CSF3R: variants seen among roughly 807,000 people sequenced by gnomAD.
CSF3R encodes colony stimulating factor 3 receptor.
In CSF3R, 52 loss-of-function variants were observed where a neutral mutation model predicts 84.4. That is an observed-to-expected ratio of 0.62 (90% CI 0.49 to 0.78). The LOEUF (loss-of-function observed/expected upper bound fraction) is 0.78, where lower values mean the gene tolerates loss of function less well. Among genes scored for constraint, CSF3R ranks in the 30% least tolerant of loss-of-function variants. CSF3R has a pLI of 0.00. For synonymous variants in CSF3R, 384 were observed against 429.1 expected (o/e 0.89, Z 1.30); for missense variants, 890 against 1,055.7 (o/e 0.84, Z 2.17).
At chr1:36,477,936 T>G (rs1281997895) in intron 3 of CSF3R, among the ~76,000 whole-genome samples, 1 of 151,794 alleles carries the variant, frequency 6.6e-6, no homozygotes, top group African/African-American at 2.4e-5. Context: ...TTTTTTGTAT[T>G]TTTAGTAGAT....
chr1:36,476,517 AG>A (rs1336931110), intron 3 of CSF3R, among the ~76,000 whole-genome samples: 1 of 152,102 alleles, frequency 6.6e-6, no homozygotes, highest in Non-Finnish European at 1.5e-5. Context: ...TGACCCTCTC[AG>A]TTCCAGCTTA....
chr1:36,475,360 T>G lies in CSF3R; in HGVS notation c.361+17A>C, dbSNP rs373559200. The G allele has an allele frequency of 1.2e-5, 20 of 1,613,028 alleles. No homozygotes were observed. In the African/African-American group the frequency reaches 2.5e-4, roughly 20 times the overall value. On this transcript the variant is annotated intron_variant, in intron 4 of 16. Coordinates refer to ENST00000373106, the MANE Select transcript of CSF3R (RefSeq NM_000760.4). The stretch of plus-strand genomic sequence containing the variant: ...GGGTGTTGGAGGCAGAGTAGTTGGA[T>G]GGCTGGAAGGACTTACAGCCTGCGC...
At position 36,466,521 on chromosome 1, in the gene CSF3R, TG is replaced by T; in HGVS notation, c.2346del (p.Ser783AlafsTer19). The T allele has an allele frequency of 6.2e-7, 1 of 1,610,066 alleles. No individual in the cohort carries two copies. The highest frequency in any genetic ancestry group is 8.5e-7 in the Non-Finnish European group (1 of 1,177,506). On this transcript the variant is annotated frameshift_variant, in exon 17 of 17. Transcript: ENST00000373106. LOFTEE classifies it high-confidence loss of function. This position sits in a 1 kb window ranked among gnomAD's most constrained non-coding sequence, Gnocchi z 4.6. The part of the protein sequence containing the change: ...STQPLLAGLT[P>X]SPKSYENLWF... ...CAGAGGTTCTCATAGGACTTGGGGCTGGGGGTGAGGCCCGCCAAGAGGGGCT... is the reference window on the plus strand; with the variant it reads ...CAGAGGTTCTCATAGGACTTGGGGCTGGGGTGAGGCCCGCCAAGAGGGGCT...
At chr1:36,477,049 A>G (rs1651199132) in intron 3 of CSF3R, 1 of 151,936 alleles carries the variant, frequency 6.6e-6, no homozygotes, top group African/African-American at 2.4e-5. Context: ...TCTTGAAGAA[A>G]CCAGACCAGG....
chr1:36,471,770 AC>A (rs1036430843), intron 9 of CSF3R, 124 bp from the exon 10 acceptor site: 5 of 944,248 alleles, frequency 5.3e-6, no homozygotes, highest in African/African-American at 1.6e-5. Context: ...CAGGCTTCTC[AC>A]CCCCCTCCCC....
Position 36,468,109 on chromosome 1 carries a change from G to T in CSF3R, c.1689C>A (p.Thr563=), listed in dbSNP as rs113047241. The part of the protein sequence containing the change: ...ELGKSPLTHY[T]IFWTNAQNQS... The stretch of plus-strand genomic sequence containing the variant: ...GGTTCTGAGCGTTGGTCCAGAAGAT[G>T]GTGTAGTGGGTAAGGGGGCTCTTCC... The change falls in exon 13 of 17, where the codon ACC becomes ACA. Residue 563 remains threonine (T), a synonymous_variant. Transcript: ENST00000373106. The T allele has an allele frequency of 2.9e-4, 465 of 1,614,246 alleles. No individual in the cohort carries two copies. The African/African-American group carries it at 4.9e-3, about 17-fold the overall frequency.
upstream of CSF3R, chr1:36,482,930 C>T (rs1169012226): frequency 1.3e-5 from 2 of 152,270 alleles, no homozygotes; most frequent in Non-Finnish European, 2.9e-5. Flanking sequence ...AATGGCTCAG[C>T]CTCTGACAGG....
At position 36,466,790 on chromosome 1, in the gene CSF3R, A is replaced by G. The variant is rs1314566558; in HGVS notation, c.2078T>C (p.Ile693Thr). 6.2e-7 allele frequency: 1 copy of G among 1,613,972 alleles called. No homozygotes were observed. Among genetic ancestry groups the G allele is most frequent in the Non-Finnish European group, 8.5e-7 (1 of 1,180,012 alleles). The change falls in exon 17 of 17, where the codon ATC (isoleucine) becomes ACC (threonine). Residue 693 changes from isoleucine to threonine, a missense_variant. Physicochemically the swap from Ile to Thr is moderately conservative, Grantham distance 89. Transcript: ENST00000373106. The surrounding 1 kb of genome is among the most constrained non-coding windows in gnomAD (Gnocchi z 4.6). ...CTCCTCCAGCACTGTGAGCTTGGTG[A>G]TGGGTGGCGTGCCAAGGCCGGGCAG... ...FQLPGLGTPP[I>T]TKLTVLEEDE...
At chr1:36,479,556 G>A in intron 2 of CSF3R, 40 bp from the exon 3 acceptor site, 1 of 1,461,308 alleles carries the variant, frequency 6.8e-7, no homozygotes, top group South Asian at 1.1e-5. Flanking sequence ...GGGCTTTGGA[G>A]TCAGAGCTGA....
In CSF3R at chr1:36,479,515, A is replaced by G. The variant is rs1195437302; in HGVS notation, c.-19T>C. On this transcript the variant is annotated splice_region_variant and 5_prime_UTR_variant, in exon 3 of 17. Transcript: ENST00000373106. ...TTGCCATAGCACCAACTTGATGTTC[A>G]CCTGTAGGCAGAAGGGTTGTTTAAG... 6.2e-7 allele frequency: 1 copy of G among 1,612,902 alleles called. No individual in the cohort carries two copies. The highest frequency in any genetic ancestry group is 1.3e-5 in the African/African-American group (1 of 74,872).
Position 36,475,875 on chromosome 1 carries a change from G to GT in CSF3R, c.65-203dup, listed in dbSNP as rs1266120843. 5 of 564,088 alleles carry GT rather than the reference G, an allele frequency of 8.9e-6. No homozygotes were observed. In the African/African-American group the frequency reaches 9.3e-5, roughly 11 times the overall value. 34.9% of individuals were successfully genotyped at this position (564,088 alleles called of 1,614,324 possible). On this transcript the variant is annotated intron_variant, in intron 3 of 16. Transcript: ENST00000373106. ...CAGAGATAGTGATGTGCTGGTAACC[G>GT]TTTATCAGCCAGCTTGGCAGAGAAA...
At position 36,466,231 on chromosome 1, in the gene CSF3R, G is replaced by A. The variant is rs764841061; in HGVS notation, c.*126C>T. On this transcript the variant is annotated 3_prime_UTR_variant, in exon 17 of 17. Coordinates refer to ENST00000373106, the MANE Select transcript of CSF3R (RefSeq NM_000760.4). This position sits in a 1 kb window ranked among gnomAD's most constrained non-coding sequence, Gnocchi z 4.6. ...GAGATTGGGAGGAGAGGGAGATGCT[G>A]GTGACTGGAGATGGTGAGAGCCTGG... 4.3e-6 allele frequency: 7 copies of A among 1,614,146 alleles called. No individual in the cohort carries two copies. The highest frequency in any genetic ancestry group is 1.1e-5 in the South Asian group (1 of 91,082).
At chr1:36,479,190 C>A in intron 3 of CSF3R, 1 of 581,406 alleles carries the variant, frequency 1.7e-6, no homozygotes, top group Non-Finnish European at 3.2e-6. Flanking sequence ...CGGACAAGAT[C>A]TGCGCCTCAC....
At position 36,471,473 on chromosome 1, in the gene CSF3R, C is replaced by G. The variant is rs1042916825; in HGVS notation, c.1245G>C (p.Gly415=). The G allele has an allele frequency of 2.4e-5, 38 of 1,614,112 alleles. No homozygotes were observed. Among genetic ancestry groups the G allele is most frequent in the Non-Finnish European group, 3.1e-5 (37 of 1,180,038 alleles). The change falls in exon 10 of 17, where the codon GGG becomes GGC. Residue 415 remains glycine, a synonymous_variant. Coordinates refer to ENST00000373106, the MANE Select transcript of CSF3R (RefSeq NM_000760.4). The part of the protein sequence containing the change: ...EVALVAYNSA[G]TSRPTPVVFS... ...AGACCACCGGAGTGGGACGAGAGGTCCCGGCTGAGTTATAGGCCACAAGGG... is the reference window on the plus strand; with the variant it reads ...AGACCACCGGAGTGGGACGAGAGGTGCCGGCTGAGTTATAGGCCACAAGGG...
At position 36,469,721 on chromosome 1, in the gene CSF3R, T is replaced by TG. The variant is rs747437399; in HGVS notation, c.1404dup (p.Ser469GlnfsTer5). ...CAGGTCTTGTTGCTATTGCTCGCGC[T>TG]GGGGGGGCCCAGGCCCCACTCAATC... On this transcript the variant is annotated frameshift_variant, in exon 11 of 17. Coordinates refer to ENST00000373106, the MANE Select transcript of CSF3R (RefSeq NM_000760.4). LOFTEE classifies it high-confidence loss of function. The TG allele has an allele frequency of 5.6e-6, 9 of 1,614,004 alleles. No individual in the cohort carries two copies. The highest frequency in any genetic ancestry group is 2.2e-5 in the East Asian group (1 of 44,876).
intron 6 of CSF3R, 112 bp downstream of exon 6, chr1:36,473,323 G>T: frequency 8.1e-7 from 1 of 1,238,182 alleles, no homozygotes; most frequent in Non-Finnish European, 1.2e-6. Flanking sequence ...CTGTGCCTCT[G>T]TCTCTAGGTC....
At chr1:36,470,654 A>T (rs955991161) in intron 10 of CSF3R, among the ~76,000 whole-genome samples, 4 of 152,232 alleles carry the variant, frequency 2.6e-5, no homozygotes, top group Admixed American at 1.3e-4. Flanking sequence ...TGTTATTGTG[A>T]TTATTAGTCC....
chr1:36,472,333 G>A lies in CSF3R; in HGVS notation c.902C>T (p.Thr301Met). 1 of 1,614,176 alleles carries A rather than the reference G, an allele frequency of 6.2e-7. No homozygotes were observed. Among genetic ancestry groups the A allele is most frequent in the Admixed American group, 1.7e-5 (1 of 60,024 alleles). The part of the protein sequence containing the change: ...QYELCGLLPA[T>M]AYTLQIRCIR... ...GCAGCGTATCTGCAGGGTGTAGGCC[G>A]TGGCTGGGAGGAGCCCGCAGAGCTC... The change falls in exon 8 of 17, where the codon ACG (threonine) becomes ATG (methionine). Residue 301 changes from threonine (T) to methionine (M), a missense_variant. By Grantham distance (81) the Thr-to-Met change is moderately conservative. Transcript: ENST00000373106. This position sits in a 1 kb window ranked among gnomAD's most constrained non-coding sequence, Gnocchi z 5.0.
intron 5 of CSF3R, 37 bp from the exon 6 acceptor site, chr1:36,473,659 A>G: frequency 6.2e-7 from 1 of 1,613,978 alleles, no homozygotes; most frequent in Non-Finnish European, 8.5e-7. Flanking sequence ...AAGCAGAGGA[A>G]GAAAGCGAGG....
Sources: gnomAD v4.1 joint callset for allele counts (sites outside exome capture counted in the v4.1 genomes callset) on GRCh38, gnomAD v4.1.1 for gene constraint, Gnocchi (gnomAD v3.1) non-coding constraint, MANE v1.5 for transcripts, NCBI Gene and HGNC (gene_info 2026-07-23, HGNC 2026-07-21) for gene names.